PIAS2: variants seen among roughly 807,000 people sequenced by gnomAD.
PIAS2 encodes E3 SUMO-protein ligase PIAS2.
Under a neutral mutation model 69.7 loss-of-function variants are expected in PIAS2, and 19 were observed. That is an observed-to-expected ratio of 0.27 (90% CI 0.19 to 0.40). The LOEUF is 0.40. Among genes scored for constraint, PIAS2 ranks in the 10% least tolerant of loss-of-function variants. The pLI is 1.00. For missense variants in PIAS2, 624 were observed against 757.0 expected, an observed-to-expected ratio of 0.82 and a Z score of 2.06; for synonymous variants, 261 against 263.2, an observed-to-expected ratio of 0.99 and a Z score of 0.08.
chr18:46,905,073 AATAC>A (rs2056422024), intron 1 of PIAS2, among the ~76,000 whole-genome samples: 2 of 152,368 alleles, frequency 1.3e-5, no homozygotes, highest in East Asian at 3.9e-4. Context: ...AAAACCAGGC[AATAC>A]ATAGTCTCTT....
At chr18:46,814,390 C>T (rs2144713966) in intron 13 of PIAS2, among the ~76,000 whole-genome samples, 1 of 152,216 alleles carries the variant, frequency 6.6e-6, no homozygotes, top group South Asian at 2.1e-4. Flanking sequence ...ATTAGTAATC[C>T]TCACATCTGA....
At chr18:46,853,826 C>G (rs2047341735) in intron 5 of PIAS2, 1 of 152,336 alleles carries the variant, frequency 6.6e-6, no homozygotes, top group South Asian at 2.1e-4. Context: ...AAAAGGATAG[C>G]TCCTGAGAAT....
chr18:46,836,548 T>C (rs1402875570), intron 8 of PIAS2, 31 bp from the exon 9 acceptor site: 3 of 1,569,744 alleles, frequency 1.9e-6, no homozygotes, highest in South Asian at 2.3e-5. Flanking sequence ...GGAAAACTAT[T>C]TCAGAAAGGA....
intron 1 of PIAS2, chr18:46,915,487 G>A (rs2146350080): frequency 6.6e-6 from 1 of 152,150 alleles, no homozygotes; most frequent in South Asian, 2.1e-4. Context: ...AGTCTCTGTT[G>A]GGCACGTCAT....
rs1453356977 is a variant in PIAS2, at chr18:46,807,381, A to ATTT, written c.*5051_*5052insAAA. ...TATATATATATATATATATATATAT[A>ATTT]TATTTTTTTTTTTTTTTTTTTTTTT... On this transcript the variant is annotated 3_prime_UTR_variant, in exon 14 of 14. Coordinates refer to ENST00000585916, the MANE Select transcript of PIAS2 (RefSeq NM_004671.5). 4.0e-4 allele frequency: 8 copies of ATTT among 19,844 alleles called. No homozygotes were observed. The highest frequency in any genetic ancestry group is 3.5e-3 in the East Asian group (3 of 856). 1.2% of individuals were successfully genotyped at this position (19,844 alleles called of 1,614,324 possible).
chr18:46,836,085 C>T (rs1310498775), intron 9 of PIAS2, among the ~76,000 whole-genome samples: 1 of 152,096 alleles, frequency 6.6e-6, no homozygotes, highest in Non-Finnish European at 1.5e-5. Context: ...CAAACTTTTC[C>T]CTCTTTCCTG....
chr18:46,894,854 T>C (rs2054596492), intron 1 of PIAS2, among the ~76,000 whole-genome samples: 1 of 151,868 alleles, frequency 6.6e-6, no homozygotes, highest in Non-Finnish European at 1.5e-5. Flanking sequence ...GTGGATCACT[T>C]GAGGTCAGGA....
At chr18:46,895,636 A>G (rs2054737752) in intron 1 of PIAS2, among the ~76,000 whole-genome samples, 1 of 152,154 alleles carries the variant, frequency 6.6e-6, no homozygotes. Flanking sequence ...ACACTACTGC[A>G]CTCCAGCCTG....
At chr18:46,843,107 T>A (rs931412544) in intron 8 of PIAS2, among the ~76,000 whole-genome samples, 17 of 152,320 alleles carry the variant, frequency 1.1e-4, no homozygotes, top group African/African-American at 3.8e-4. Flanking sequence ...GTTCTACCAA[T>A]AACTGTGTAA....
chr18:46,868,938 G>A (rs1193683356), intron 2 of PIAS2, among the ~76,000 whole-genome samples: 1 of 152,212 alleles, frequency 6.6e-6, no homozygotes, highest in Non-Finnish European at 1.5e-5. Context: ...CAACGCAGGT[G>A]AAAAGGATCC....
At chr18:46,864,315 T>C (rs1302303077) in intron 2 of PIAS2, 67 bp from the exon 3 acceptor site, 34 of 1,032,634 alleles carry the variant, frequency 3.3e-5, no homozygotes, top group Non-Finnish European at 4.7e-5. Context: ...CCACCTGCAA[T>C]AACCAGGCAT....
At chr18:46,905,592 T>C (rs1272534324) in intron 1 of PIAS2, among the ~76,000 whole-genome samples, 1 of 151,628 alleles carries the variant, frequency 6.6e-6, no homozygotes, top group Non-Finnish European at 1.5e-5. Flanking sequence ...CCAAAAATTA[T>C]CAAGAAAAAA....
chr18:46,890,263 T>C (rs1403022409), intron 2 of PIAS2, among the ~76,000 whole-genome samples: 1 of 152,242 alleles, frequency 6.6e-6, no homozygotes, highest in Non-Finnish European at 1.5e-5. Context: ...TGGAGATGGA[T>C]GGCAGTGATG....
chr18:46,844,398 A>G (rs2045869346), intron 7 of PIAS2, among the ~76,000 whole-genome samples: 1 of 152,284 alleles, frequency 6.6e-6, no homozygotes, highest in Admixed American at 6.5e-5. Flanking sequence ...CAATTAGGAG[A>G]GGAAGCTGGA....
At chr18:46,873,799 C>T (rs1400410313) in intron 2 of PIAS2, among the ~76,000 whole-genome samples, 3 of 152,152 alleles carry the variant, frequency 2.0e-5, no homozygotes, top group South Asian at 2.1e-4. Flanking sequence ...CTTTTGAAAG[C>T]CGAGGGAATA....
At chr18:46,913,109 T>C (rs150788000) in intron 1 of PIAS2, among the ~76,000 whole-genome samples, 1 of 152,334 alleles carries the variant, frequency 6.6e-6, no homozygotes, top group East Asian at 1.9e-4. Context: ...GATTCTGTTA[T>C]ATCTATCATA....
intron 9 of PIAS2, among the ~76,000 whole-genome samples, chr18:46,834,326 T>C (rs1158037527): frequency 6.6e-6 from 1 of 151,942 alleles, no homozygotes; most frequent in Non-Finnish European, 1.5e-5. Context: ...TCACAATAAA[T>C]ACAAATAAAA....
At chr18:46,877,026 G>A (rs1473445223) in intron 2 of PIAS2, among the ~76,000 whole-genome samples, 1 of 152,136 alleles carries the variant, frequency 6.6e-6, no homozygotes, top group Non-Finnish European at 1.5e-5. Flanking sequence ...TGGAAAAATG[G>A]TTTGGCAAAT....
At chr18:46,812,892 G>A (rs2041114619) in intron 13 of PIAS2, among the ~76,000 whole-genome samples, 1 of 152,090 alleles carries the variant, frequency 6.6e-6, no homozygotes, top group Admixed American at 6.6e-5. Context: ...AACAATAACT[G>A]AAGTCATTTA....
Sources: gnomAD v4.1 joint callset for allele counts (sites outside exome capture counted in the v4.1 genomes callset) on GRCh38, gnomAD v4.1.1 for gene constraint, MANE v1.5 for transcripts, NCBI Gene and HGNC (gene_info 2026-07-23, HGNC 2026-07-21) for gene names.